The following CACNB4 variants were observed in gnomAD, a reference collection of about 807,000 sequenced individuals.
The protein encoded by CACNB4 is voltage-dependent L-type calcium channel subunit beta-4.
CACNB4 carries 32 observed loss-of-function variants against 71.2 expected under a neutral mutation model. The observed-to-expected ratio is 0.45, with a 90% CI of 0.34 to 0.60. The LOEUF (loss-of-function observed/expected upper bound fraction) is 0.60, where lower values mean the gene tolerates loss of function less well. Among genes scored for constraint, CACNB4 ranks in the 20% least tolerant of loss-of-function variants. CACNB4 has a pLI of 0.01. For missense variants in CACNB4, 464 were observed against 647.9 expected (o/e 0.72, Z 3.08); for synonymous variants, 231 against 236.9 (o/e 0.97, Z 0.23).
intron 2 of CACNB4, among the ~76,000 whole-genome samples, chr2:151,913,219 T>C (rs1188381431): frequency 6.6e-6 from 1 of 152,168 alleles, no homozygotes; most frequent in African/African-American, 2.4e-5. Context: ...TGATGCTATT[T>C]GGTTATTTTG....
chr2:152,022,519 G>A (rs1018177028), intron 2 of CACNB4, among the ~76,000 whole-genome samples: 5 of 152,204 alleles, frequency 3.3e-5, no homozygotes, highest in African/African-American at 1.2e-4. Flanking sequence ...CTGGTTTTAA[G>A]TTGGACAAGA....
chr2:151,953,739 A>G (rs1166253832), intron 2 of CACNB4, among the ~76,000 whole-genome samples: 2 of 152,204 alleles, frequency 1.3e-5, no homozygotes, highest in Non-Finnish European at 2.9e-5. Flanking sequence ...TTTTTCTACT[A>G]GGAATATTTT....
chr2:151,875,211 C>T (rs2099845668), intron 5 of CACNB4, among the ~76,000 whole-genome samples: 1 of 147,882 alleles, frequency 6.8e-6, no homozygotes, highest in East Asian at 2.0e-4. Context: ...GAGCATGCTG[C>T]CTTCAAGCAT....
intron 2 of CACNB4, among the ~76,000 whole-genome samples, chr2:152,006,630 A>C (rs1560126533): frequency 6.6e-6 from 1 of 152,018 alleles, no homozygotes; most frequent in Admixed American, 6.6e-5. Flanking sequence ...TCCTGACCTC[A>C]AGTGATCCAC....
chr2:152,010,670 C>A (rs1683003882), intron 2 of CACNB4, among the ~76,000 whole-genome samples: 2 of 152,232 alleles, frequency 1.3e-5, no homozygotes, highest in Admixed American at 1.3e-4. Flanking sequence ...ATGGGTCACT[C>A]TGCTAGCAAG....
intron 2 of CACNB4, among the ~76,000 whole-genome samples, chr2:152,091,172 A>C (rs1317742832): frequency 6.6e-6 from 1 of 152,192 alleles, no homozygotes; most frequent in African/African-American, 2.4e-5. Context: ...AGCTCAGTTC[A>C]ATTTATTTAA....
intron 2 of CACNB4, among the ~76,000 whole-genome samples, chr2:151,961,735 T>C (rs2099869704): frequency 6.6e-6 from 1 of 151,482 alleles, no homozygotes; most frequent in African/African-American, 2.4e-5. Context: ...TACAAAAAAA[T>C]AAAAAATTAG....
At chr2:152,059,328 G>C (rs1233885921) in intron 2 of CACNB4, among the ~76,000 whole-genome samples, 1 of 152,252 alleles carries the variant, frequency 6.6e-6, no homozygotes, top group East Asian at 1.9e-4. Flanking sequence ...CGGCAGCCGT[G>C]AAAGCAGCCA....
intron 2 of CACNB4, among the ~76,000 whole-genome samples, chr2:152,072,841 G>A (rs1686775831): frequency 6.6e-6 from 1 of 151,284 alleles, no homozygotes; most frequent in Non-Finnish European, 1.5e-5. Flanking sequence ...AGTAGAGATG[G>A]GGTTTCACCG....
chr2:151,861,056 G>C (rs2099841515), intron 9 of CACNB4: 1 of 501,230 alleles, frequency 2.0e-6, no homozygotes, highest in Non-Finnish European at 3.5e-6. Context: ...CAGTAAAAAT[G>C]TTCTTCCTCC....
chr2:151,889,911 CTCT>C (rs1368664356), intron 2 of CACNB4, among the ~76,000 whole-genome samples: 8 of 152,178 alleles, frequency 5.3e-5, no homozygotes, highest in African/African-American at 1.9e-4. Context: ...CAGAATCTCT[CTCT>C]TCTTTGTTCC....
chr2:152,043,953 C>A (rs964547850), intron 2 of CACNB4, among the ~76,000 whole-genome samples: 2 of 152,056 alleles, frequency 1.3e-5, no homozygotes, highest in African/African-American at 4.8e-5. Context: ...TTCCTATAGT[C>A]CCAGTTACTC....
intron 6 of CACNB4, 59 bp downstream of exon 6, chr2:151,872,358 G>T: frequency 1.0e-6 from 1 of 959,902 alleles, no homozygotes; most frequent in Non-Finnish European, 1.6e-6. Flanking sequence ...TTGCATGTGT[G>T]TTCAAATATT....
intron 2 of CACNB4, among the ~76,000 whole-genome samples, chr2:151,993,604 G>A (rs186457146): frequency 0.018 from 2,543 of 141,868 alleles, 68 homozygotes; most frequent in African/African-American, 0.062. Flanking sequence ...TTGCTCTATC[G>A]CCCAGGCTGG....
intron 3 of CACNB4, among the ~76,000 whole-genome samples, chr2:151,882,490 G>A (rs1405530818): frequency 6.6e-6 from 1 of 152,064 alleles, no homozygotes; most frequent in Non-Finnish European, 1.5e-5. Context: ...GGGCAAAGAG[G>A]ACAGGCCGGC....
Position 151,881,006 on chromosome 2 carries a change from A to T in CACNB4, c.268-84T>A, listed in dbSNP as rs2099847680. 3 of 1,338,690 alleles carry T rather than the reference A, an allele frequency of 2.2e-6. No individual in the cohort carries two copies. The East Asian group carries it at 7.4e-5, about 33-fold the overall frequency. 82.9% of individuals were successfully genotyped at this position (1,338,690 alleles called of 1,614,324 possible). A position where few individuals can be genotyped will look rare whatever the true frequency, so the allele number is the denominator to read the frequency against. ...TATTGAAACTCTGATAGTACCAGGT[A>T]GTGAGAAATAACTTTCCAAAGAGGG... On this transcript the variant is annotated intron_variant, in intron 3 of 13. Coordinates refer to ENST00000539935, the MANE Select transcript of CACNB4 (RefSeq NM_000726.5).
Position 152,024,415 on chromosome 2 carries a change from T to C in CACNB4, c.147+73915A>G, listed in dbSNP as rs117496371. Among the ~76,000 whole-genome samples, 97 of 152,378 alleles carry C rather than the reference T, an allele frequency of 6.4e-4. 1 individual carries two copies. In the East Asian group the frequency reaches 0.014, roughly 22 times the overall value. On this transcript the variant is annotated intron_variant, in intron 2 of 13. Transcript: ENST00000539935. ...TATGCAGACTGATTTTGTAATTATT[T>C]AGCTGACAATGGCTACTCTTGATCA...
At chr2:151,917,752 C>T (rs1202478594) in intron 2 of CACNB4, among the ~76,000 whole-genome samples, 1 of 147,686 alleles carries the variant, frequency 6.8e-6, no homozygotes, top group Non-Finnish European at 1.5e-5. Flanking sequence ...AGGAGAATTG[C>T]TTGAACCCAG....
intron 2 of CACNB4, among the ~76,000 whole-genome samples, chr2:151,987,189 T>C (rs1427709275): frequency 6.6e-6 from 1 of 152,200 alleles, no homozygotes; most frequent in African/African-American, 2.4e-5. Context: ...CTCCGCAACA[T>C]ATGAGCACTA....
Sources: gnomAD v4.1 joint callset for allele counts (sites outside exome capture counted in the v4.1 genomes callset) on GRCh38, gnomAD v4.1.1 for gene constraint, MANE v1.5 for transcripts, NCBI Gene and HGNC (gene_info 2026-07-23, HGNC 2026-07-21) for gene names.